HIPK2: variants seen among roughly 807,000 people sequenced by gnomAD.
HIPK2 encodes homeodomain interacting protein kinase 2.
HIPK2 carries 27 observed loss-of-function variants against 113.7 expected under a neutral mutation model. That is an observed-to-expected ratio of 0.24 (90% CI 0.17 to 0.33). The LOEUF (loss-of-function observed/expected upper bound fraction) is 0.33. Among genes scored for constraint, HIPK2 ranks in the 10% least tolerant of loss-of-function variants. HIPK2 has a pLI of 1.00. For missense variants in HIPK2, 1,257 were observed against 1,588.0 expected (o/e 0.79, Z 3.54); for synonymous variants, 631 against 642.2 (o/e 0.98, Z 0.26).
chr7:139,742,474 G>A (rs540729635), intron 1 of HIPK2, among the ~76,000 whole-genome samples: 1 of 152,242 alleles, frequency 6.6e-6, no homozygotes, highest in South Asian at 2.1e-4. Flanking sequence ...AATATGCTCT[G>A]AAGCCCAAAT....
intron 1 of HIPK2, among the ~76,000 whole-genome samples, chr7:139,725,599 A>C (rs1471174348): frequency 6.6e-6 from 1 of 152,134 alleles, no homozygotes; most frequent in East Asian, 1.9e-4. Context: ...ATTTCTAAAT[A>C]CTCAGAGAGC....
At chr7:139,694,059 TCC>T in intron 2 of HIPK2, among the ~76,000 whole-genome samples, 1 of 152,218 alleles carries the variant, frequency 6.6e-6, no homozygotes, top group East Asian at 1.9e-4. Context: ...ATACTTTTTT[TCC>T]TATTCAATAA....
At chr7:139,615,649 A>C (rs1197968205) in intron 7 of HIPK2, among the ~76,000 whole-genome samples, 1 of 152,262 alleles carries the variant, frequency 6.6e-6, no homozygotes, top group East Asian at 1.9e-4. Context: ...TAGAAGTTAC[A>C]AGGACCAGGG....
At chr7:139,721,855 T>C (rs1283379243) in intron 1 of HIPK2, among the ~76,000 whole-genome samples, 1 of 152,158 alleles carries the variant, frequency 6.6e-6, no homozygotes, top group Admixed American at 6.5e-5. Context: ...TAACCACACC[T>C]GCTCCTACAG....
chr7:139,625,417 G>C (rs1800393143), intron 6 of HIPK2, among the ~76,000 whole-genome samples: 1 of 152,174 alleles, frequency 6.6e-6, no homozygotes, highest in Admixed American at 6.5e-5. Context: ...GCTCAACACA[G>C]ATCTAACCAG....
rs966240866 is a variant in HIPK2 at position 139,771,459 on chromosome 7, G to A, written c.19+6146C>T. ...AAGTACAAGAAAAATAAAGACGGCC[G>A]AAATGAATGCGAGCTACAGATGAGT... On this transcript the variant is annotated intron_variant, in intron 1 of 14. Coordinates refer to ENST00000406875, the MANE Select transcript of HIPK2 (RefSeq NM_022740.5). 1.8e-4 allele frequency among the ~76,000 whole-genome samples: 27 copies of A among 152,120 alleles called. No homozygotes were observed. In the East Asian group the frequency reaches 3.1e-3, roughly 17 times the overall value.
At chr7:139,617,281 G>A (rs1196734647) in intron 7 of HIPK2, among the ~76,000 whole-genome samples, 1 of 152,128 alleles carries the variant, frequency 6.6e-6, no homozygotes, top group Non-Finnish European at 1.5e-5. Context: ...TGCCCAGGCT[G>A]GACTTGAACT....
chr7:139,687,155 T>C (rs1330723477), intron 2 of HIPK2, among the ~76,000 whole-genome samples: 1 of 152,264 alleles, frequency 6.6e-6, no homozygotes, highest in African/African-American at 2.4e-5. Flanking sequence ...TTGGCCAGAC[T>C]GGTCTCAACT....
intron 5 of HIPK2, among the ~76,000 whole-genome samples, chr7:139,628,409 T>C (rs996192964): frequency 3.3e-5 from 5 of 152,202 alleles, no homozygotes; most frequent in African/African-American, 1.2e-4. Context: ...GCCAGTACTA[T>C]ATTACAACTG....
intron 1 of HIPK2, among the ~76,000 whole-genome samples, chr7:139,726,054 TCAA>T (rs1371011661): frequency 2.0e-5 from 3 of 152,212 alleles, no homozygotes; most frequent in Admixed American, 6.5e-5. Context: ...ATAGTGGATG[TCAA>T]CAACAATGAC....
chr7:139,660,051 AC>A, intron 2 of HIPK2, among the ~76,000 whole-genome samples: 1 of 152,300 alleles, frequency 6.6e-6, no homozygotes. Context: ...TGCCAAGAAA[AC>A]CTTTTATCAA....
Position 139,670,120 on chromosome 7 carries a change from G to A in HIPK2, c.1104-38395C>T, listed in dbSNP as rs1466524179. 3.3e-5 allele frequency among the ~76,000 whole-genome samples: 5 copies of A among 152,154 alleles called. No homozygotes were observed. The East Asian group carries it at 9.6e-4, about 29-fold the overall frequency. On this transcript the variant is annotated intron_variant, in intron 2 of 14. Coordinates refer to ENST00000406875, the MANE Select transcript of HIPK2 (RefSeq NM_022740.5). ...TACAAGAAAAACTAAACATTTTCAA[G>A]TCATATTGTTTTGAGAGGCGGGCCT...
chr7:139,737,533 A>C (rs1275292571), intron 1 of HIPK2, among the ~76,000 whole-genome samples: 1 of 152,182 alleles, frequency 6.6e-6, no homozygotes, highest in Non-Finnish European at 1.5e-5. Flanking sequence ...TTTTCACCCA[A>C]ACCATGGCTG....
intron 1 of HIPK2, among the ~76,000 whole-genome samples, chr7:139,744,002 A>G (rs1166827358): frequency 1.3e-5 from 2 of 152,234 alleles, no homozygotes; most frequent in African/African-American, 4.8e-5. Flanking sequence ...GAAGACATAC[A>G]AATGGTCAAT....
intron 2 of HIPK2, among the ~76,000 whole-genome samples, chr7:139,662,729 C>T (rs895406857): frequency 8.6e-5 from 13 of 151,614 alleles, no homozygotes; most frequent in Admixed American, 3.3e-4. Context: ...AAGCGTTACT[C>T]CTACCTCAGC....
At chr7:139,647,490 G>C (rs910055656) in intron 2 of HIPK2, among the ~76,000 whole-genome samples, 1 of 152,146 alleles carries the variant, frequency 6.6e-6, no homozygotes, top group Admixed American at 6.5e-5. Flanking sequence ...GTTCTTCTCT[G>C]ATAATAAGGA....
chr7:139,734,575 G>A (rs558127380), intron 1 of HIPK2, among the ~76,000 whole-genome samples: 7 of 152,296 alleles, frequency 4.6e-5, no homozygotes, highest in African/African-American at 1.4e-4. Context: ...CGCCACGGTT[G>A]TGCTCTTGGT....
chr7:139,727,382 G>A (rs970745833), intron 1 of HIPK2, among the ~76,000 whole-genome samples: 3 of 152,190 alleles, frequency 2.0e-5, no homozygotes, highest in African/African-American at 7.2e-5. Flanking sequence ...CTCCTGGGAA[G>A]AGAACCAAAT....
chr7:139,680,768 A>AT (rs556483952), intron 2 of HIPK2, among the ~76,000 whole-genome samples: 227 of 152,056 alleles, frequency 1.5e-3, no homozygotes, highest in African/African-American at 5.1e-3. Flanking sequence ...GCCCACTGGG[A>AT]TTTTTTTGCT....
Sources: allele counts gnomAD v4.1 joint callset (sites outside exome capture counted in the v4.1 genomes callset), GRCh38; gene constraint gnomAD v4.1.1; transcripts MANE v1.5; gene names NCBI Gene and HGNC (gene_info 2026-07-23, HGNC 2026-07-21).